Variants in BACE1 observed in about 807,000 individuals in gnomAD.
The protein encoded by BACE1 is beta-secretase 1.
Under a neutral mutation model 54.0 loss-of-function variants are expected in BACE1, and 21 were observed. The observed-to-expected ratio is 0.39, with a 90% CI of 0.28 to 0.56. The LOEUF (loss-of-function observed/expected upper bound fraction) is 0.56. BACE1 is among the 20% of genes least tolerant of loss of function. BACE1 has a pLI of 0.63. For missense variants in BACE1, 511 were observed against 661.2 expected, an observed-to-expected ratio of 0.77 and a Z score of 2.49; for synonymous variants, 232 against 260.9, an observed-to-expected ratio of 0.89 and a Z score of 1.07.
chr11:117,292,835 C>G (rs943163040), intron 5 of BACE1: 1 of 521,782 alleles, frequency 1.9e-6, no homozygotes, highest in Non-Finnish European at 3.4e-6. Flanking sequence ...GACATCAGAA[C>G]TAGTTCCATG....
At position 117,293,645 on chromosome 11, in the gene BACE1, C is replaced by T; in HGVS notation, c.705+226G>A. On this transcript the variant is annotated intron_variant, in intron 4 of 8. Transcript: ENST00000313005. The surrounding 1 kb of genome is among the most constrained non-coding windows in gnomAD (Gnocchi z 4.1). ...TATTTTCATTTCCTTTGAAATTTTC[C>T]TAATTGCCTTCCTTTCCAAGTTTAC... is the stretch of plus-strand genomic sequence containing the variant. 5.0e-6 allele frequency: 2 copies of T among 398,820 alleles called. No homozygotes were observed. Among genetic ancestry groups the T allele is most frequent in the Non-Finnish European group, 8.5e-6 (2 of 234,006 alleles). The allele number at this position is 398,820 out of a possible 1,614,324, so 24.7% of individuals were successfully genotyped here.
chr11:117,309,647 C>T (rs1317295542), intron 1 of BACE1, among the ~76,000 whole-genome samples: 2 of 152,216 alleles, frequency 1.3e-5, no homozygotes, highest in Non-Finnish European at 2.9e-5. Context: ...TTCCAAGATC[C>T]ACTGTTTCAC....
At position 117,293,587 on chromosome 11, in the gene BACE1, C is replaced by A. The variant is rs891277890; in HGVS notation, c.705+284G>T. ...ACTTCTTATATCTCTGCCTTCTGAC[C>A]ATCAAACTGAATAATTTTAATTCAA... On this transcript the variant is annotated intron_variant, in intron 4 of 8. Coordinates refer to ENST00000313005, the MANE Select transcript of BACE1 (RefSeq NM_012104.6). The surrounding 1 kb of genome is among the most constrained non-coding windows in gnomAD (Gnocchi z 4.1). 7 of 304,768 alleles carry A rather than the reference C, an allele frequency of 2.3e-5. 1 individual carries two copies. The South Asian group carries it at 6.4e-4, about 28-fold the overall frequency. 18.9% of individuals were successfully genotyped at this position (304,768 alleles called of 1,614,324 possible).
intron 1 of BACE1, chr11:117,299,676 C>A: frequency 2.5e-6 from 1 of 407,468 alleles, no homozygotes; most frequent in Non-Finnish European, 4.9e-6. Context: ...TCCCCGGTCT[C>A]TGGGCAGCCA....
chr11:117,299,737 C>T (rs1274592091), intron 1 of BACE1: 2 of 347,034 alleles, frequency 5.8e-6, no homozygotes, highest in Non-Finnish European at 1.1e-5. Context: ...CTGGGAGGCT[C>T]AGCAGTTCAG....
At chr11:117,299,752 A>G in intron 1 of BACE1, 1 of 317,548 alleles carries the variant, frequency 3.1e-6, no homozygotes, top group Non-Finnish European at 6.1e-6. Flanking sequence ...GTTCAGATGA[A>G]ATCAACCAGG....
chr11:117,301,182 C>G, intron 1 of BACE1, among the ~76,000 whole-genome samples: 1 of 152,220 alleles, frequency 6.6e-6, no homozygotes, highest in East Asian at 1.9e-4. Flanking sequence ...CCCTCTTCCT[C>G]TCTAACGACC....
intron 1 of BACE1, among the ~76,000 whole-genome samples, chr11:117,299,436 G>C (rs956286196): frequency 6.6e-6 from 1 of 152,024 alleles, no homozygotes; most frequent in African/African-American, 2.4e-5. Context: ...CTCTCTGCCA[G>C]ATCCTCTCTG....
rs192015960 is a variant in BACE1, at chr11:117,289,196, C to T, written c.*370G>A. 2 of 238,662 alleles carry T rather than the reference C, an allele frequency of 8.4e-6. No individual in the cohort carries two copies. Among genetic ancestry groups the T allele is most frequent in the East Asian group, 8.8e-5 (1 of 11,384 alleles). The allele number at this position is 238,662 out of a possible 1,614,324, so 14.8% of individuals were successfully genotyped here. A position where few individuals can be genotyped will look rare whatever the true frequency, so the allele number is the denominator to read the frequency against. ...CAGGGACACACGCCAAGGTAACCTG[C>T]GTGTGATGCCAGTACTTCTGAAACT... On this transcript the variant is annotated 3_prime_UTR_variant, in exon 9 of 9. Coordinates refer to ENST00000313005, the MANE Select transcript of BACE1 (RefSeq NM_012104.6).
intron 8 of BACE1, 66 bp from the exon 9 acceptor site, chr11:117,289,873 C>A: frequency 6.9e-7 from 1 of 1,442,064 alleles, no homozygotes; most frequent in Admixed American, 1.8e-5. Flanking sequence ...AAAAGAACTT[C>A]CTGATAGTGA....
At position 117,295,122 on chromosome 11, in the gene BACE1, TC is replaced by T. The variant is rs2034564792; in HGVS notation, c.567+8del. The T allele has an allele frequency of 3.7e-6, 6 of 1,612,972 alleles. No homozygotes were observed. The highest frequency in any genetic ancestry group is 5.1e-6 in the Non-Finnish European group (6 of 1,178,976). On this transcript the variant is annotated splice_region_variant and intron_variant, in intron 3 of 8. Transcript: ENST00000313005. ...TAGAGTGTGTAGGGCCAAGCCCTGTTCCTCTCACCCTGGCAATCTCAGCATA... is the reference window on the plus strand; with the variant it reads ...TAGAGTGTGTAGGGCCAAGCCCTGTTCTCTCACCCTGGCAATCTCAGCATA...
chr11:117,305,666 T>C (rs532893987), intron 1 of BACE1, among the ~76,000 whole-genome samples: 1 of 151,988 alleles, frequency 6.6e-6, no homozygotes, highest in Non-Finnish European at 1.5e-5. Context: ...TGCCAGTGCC[T>C]CCTACTCCAA....
Position 117,288,102 on chromosome 11 carries a change from C to G in BACE1, c.*1464G>C, listed in dbSNP as rs546025608. On this transcript the variant is annotated 3_prime_UTR_variant, in exon 9 of 9. Coordinates refer to ENST00000313005, the MANE Select transcript of BACE1 (RefSeq NM_012104.6). ...GCCCAAGAACCAGCCTGGGTACCCA[C>G]GTACCATTAGGAGCGGGGAGGGGAA... 6.6e-6 allele frequency: 1 copy of G among 152,668 alleles called. No homozygotes were observed. The highest frequency in any genetic ancestry group is 2.4e-5 in the African/African-American group (1 of 41,430). 9.5% of individuals were successfully genotyped at this position (152,668 alleles called of 1,614,324 possible). A position where few individuals can be genotyped will look rare whatever the true frequency, so the allele number is the denominator to read the frequency against.
rs747057512 is a variant in BACE1 at position 117,295,334 on chromosome 11, G to A, written c.364C>T (p.Arg122Trp). 61 of 1,613,462 alleles carry A rather than the reference G, an allele frequency of 3.8e-5. No homozygotes were observed. In the South Asian group the frequency reaches 3.8e-4, roughly 10 times the overall value. The change falls in exon 3 of 9, where the codon CGG becomes TGG. Residue 122 changes from arginine to tryptophan, a missense_variant. Arg to Trp is a moderately radical substitution (Grantham distance 101). Around this residue, in one of 2 missense-constraint regions of BACE1, gnomAD observed 407 missense variants for 565.7 expected, o/e 0.72. Transcript: ENST00000313005. ...YYQRQLSSTY[R>W]DLRKGVYVPY... ...ACATACACACCCTTCCGGAGGTCCC[G>A]GTATGTGCTGGACCTGTGGAAAGAA...
rs1002590166 is a variant in BACE1 at position 117,316,098 on chromosome 11, T to C, written c.-303A>G. 2.9e-4 allele frequency: 113 copies of C among 393,572 alleles called. No homozygotes were observed. Among genetic ancestry groups the C allele is most frequent in the South Asian group, 1.8e-3 (14 of 7,812 alleles). The allele number at this position is 393,572 out of a possible 1,614,324, so 24.4% of individuals were successfully genotyped here. ...CCGGCGGGGCTGGGAGGGGCGGGCA[T>C]GGCGGGCCGGTGGCGGCTTCCCTGG... On this transcript the variant is annotated 5_prime_UTR_variant, in exon 1 of 9. An upstream start codon of the reference 5' UTR is lost. Coordinates refer to ENST00000313005, the MANE Select transcript of BACE1 (RefSeq NM_012104.6).
At chr11:117,309,523 C>T (rs1478602613) in intron 1 of BACE1, among the ~76,000 whole-genome samples, 1 of 151,882 alleles carries the variant, frequency 6.6e-6, no homozygotes, top group South Asian at 2.1e-4. Flanking sequence ...GAGGCTGAGG[C>T]GGGTGGATCC....
chr11:117,295,300 G>A lies in BACE1; in HGVS notation c.398C>T (p.Thr133Ile). 6.2e-7 allele frequency: 1 copy of A among 1,614,210 alleles called. No homozygotes were observed. The highest frequency in any genetic ancestry group is 8.5e-7 in the Non-Finnish European group (1 of 1,180,042). The change falls in exon 3 of 9, where the codon ACC (threonine) becomes ATC (isoleucine). Residue 133 changes from threonine to isoleucine, a missense_variant. By Grantham distance (89) the Thr-to-Ile change is moderately conservative (BLOSUM62 -1). Around this residue, in one of 2 missense-constraint regions of BACE1, gnomAD observed 407 missense variants for 565.7 expected, o/e 0.72. Coordinates refer to ENST00000313005, the MANE Select transcript of BACE1 (RefSeq NM_012104.6). ...CAGCTCCCCTTCCCACTTGCCCTGG[G>A]TGTAGGGCACATACACACCCTTCCG... ...DLRKGVYVPY[T>I]QGKWEGELGT... is the part of the protein sequence containing the mutation.
chr11:117,313,599 G>A (rs549608728), intron 1 of BACE1, among the ~76,000 whole-genome samples: 61 of 152,078 alleles, frequency 4.0e-4, no homozygotes, highest in Non-Finnish European at 6.8e-4. Flanking sequence ...CAGGCCCGGC[G>A]AATTATTTTT....
intron 2 of BACE1, among the ~76,000 whole-genome samples, chr11:117,296,243 C>A (rs1023054118): frequency 4.0e-5 from 6 of 150,932 alleles, no homozygotes; most frequent in Non-Finnish European, 8.8e-5. Context: ...TTCAACCCCC[C>A]TTTCACCAGT....
Sources: gnomAD v4.1 joint callset for allele counts (sites outside exome capture counted in the v4.1 genomes callset) on GRCh38, gnomAD v4.1.1 for gene constraint, gnomAD v4.1.1 regional missense constraint, Gnocchi (gnomAD v3.1) non-coding constraint, MANE v1.5 for transcripts, NCBI Gene and HGNC (gene_info 2026-07-23, HGNC 2026-07-21) for gene names.